The following SOCS6 variants were observed in gnomAD, a reference collection of about 807,000 sequenced individuals.
SOCS6 encodes suppressor of cytokine signaling 6.
A neutral mutation model predicts 27.7 loss-of-function variants in SOCS6; 5 were observed. The ratio of observed to expected loss-of-function variants is 0.18; its 90% CI spans 0.09 to 0.38. SOCS6 has a LOEUF of 0.38. Ranked by LOEUF, SOCS6 falls within the 10% of genes least tolerant of loss-of-function variation. The probability of loss-of-function intolerance (pLI) is 1.00; values close to 1 mark genes in which losing one functional copy is unlikely to be tolerated. For missense variants in SOCS6, 595 were observed against 688.1 expected (o/e 0.86, Z 1.51); for synonymous variants, 271 against 260.0 (o/e 1.04, Z -0.41).
intron 1 of SOCS6, among the ~76,000 whole-genome samples, chr18:70,322,269 A>C (rs551737484): frequency 1.2e-4 from 19 of 152,358 alleles, no homozygotes; most frequent in Non-Finnish European, 2.5e-4. Context: ...CAAACAGAAA[A>C]ACAGATACTC....
chr18:70,307,883 T>C (rs2062375886), intron 1 of SOCS6, among the ~76,000 whole-genome samples: 1 of 152,224 alleles, frequency 6.6e-6, no homozygotes, highest in South Asian at 2.1e-4. Context: ...TATTCTACTT[T>C]CATTGGGTTT....
intron 1 of SOCS6, among the ~76,000 whole-genome samples, chr18:70,294,827 C>T (rs2146260066): frequency 6.6e-6 from 1 of 152,310 alleles, no homozygotes; most frequent in Non-Finnish European, 1.5e-5. Flanking sequence ...CTCTGCAGAG[C>T]CTTCTGCTCT....
chr18:70,302,883 A>C (rs1196385842), intron 1 of SOCS6, among the ~76,000 whole-genome samples: 3 of 152,278 alleles, frequency 2.0e-5, no homozygotes, highest in South Asian at 2.1e-4. Flanking sequence ...AAAAAGCTAC[A>C]AAAAAACCCA....
intron 1 of SOCS6, among the ~76,000 whole-genome samples, chr18:70,293,840 C>T (rs1418409198): frequency 3.3e-5 from 5 of 152,036 alleles, no homozygotes; most frequent in Admixed American, 1.3e-4. Flanking sequence ...CGCCTGTAAT[C>T]CCACCACTTT....
chr18:70,298,250 TGAAA>T (rs924589158), intron 1 of SOCS6, among the ~76,000 whole-genome samples: 10 of 152,218 alleles, frequency 6.6e-5, no homozygotes, highest in African/African-American at 2.4e-4. Flanking sequence ...TGTCAAATTC[TGAAA>T]GAATCTTACC....
intron 1 of SOCS6, chr18:70,296,722 CT>C (rs2062324395): frequency 6.6e-6 from 1 of 152,140 alleles, no homozygotes; most frequent in South Asian, 2.1e-4. Flanking sequence ...TTTTGGGGGA[CT>C]TTTGTGTTAT....
At chr18:70,313,318 A>G (rs374607295) in intron 1 of SOCS6, among the ~76,000 whole-genome samples, 3 of 151,896 alleles carry the variant, frequency 2.0e-5, no homozygotes, top group Non-Finnish European at 4.4e-5. Flanking sequence ...ATCCTTTGTC[A>G]TATATATTTG....
intron 1 of SOCS6, among the ~76,000 whole-genome samples, chr18:70,301,121 C>CA (rs1286389477): frequency 6.6e-6 from 1 of 152,156 alleles, no homozygotes; most frequent in African/African-American, 2.4e-5. Context: ...ACCAGTTAGC[C>CA]AGCTACCAGT....
chr18:70,289,851 G>A (rs1283058480), intron 1 of SOCS6, among the ~76,000 whole-genome samples: 2 of 152,192 alleles, frequency 1.3e-5, no homozygotes, highest in Non-Finnish European at 2.9e-5. Flanking sequence ...GTTTGCTTCG[G>A]GAGTTGGCAA....
At chr18:70,310,668 A>T (rs1005168354) in intron 1 of SOCS6, among the ~76,000 whole-genome samples, 6 of 151,448 alleles carry the variant, frequency 4.0e-5, no homozygotes, top group African/African-American at 1.5e-4. Context: ...TTTTATCCCC[A>T]TTTTCACATG....
intron 1 of SOCS6, among the ~76,000 whole-genome samples, chr18:70,312,323 TG>T (rs1037610403): frequency 6.6e-6 from 1 of 151,718 alleles, no homozygotes; most frequent in Non-Finnish European, 1.5e-5. Context: ...CTTTTTGTTT[TG>T]TTTTTTTTTC....
At chr18:70,291,150 A>G (rs1454552438) in intron 1 of SOCS6, among the ~76,000 whole-genome samples, 1 of 152,176 alleles carries the variant, frequency 6.6e-6, no homozygotes, top group Non-Finnish European at 1.5e-5. Flanking sequence ...TCTGTCACCC[A>G]GGGTGGAGTG....
intron 1 of SOCS6, among the ~76,000 whole-genome samples, chr18:70,295,401 G>C (rs1031728628): frequency 6.6e-6 from 1 of 152,120 alleles, no homozygotes; most frequent in South Asian, 2.1e-4. Context: ...GAAGCAGCTG[G>C]GTTAGCATGC....
chr18:70,324,452 C>T (rs2231560), intron 1 of SOCS6, 91 bp from the exon 2 acceptor site: 5 of 406,670 alleles, frequency 1.2e-5, no homozygotes, highest in East Asian at 4.6e-5. Flanking sequence ...GGGGTGTTCT[C>T]GTTCAGAAGT....
At chr18:70,319,551 T>C (rs1280872999) in intron 1 of SOCS6, among the ~76,000 whole-genome samples, 11 of 145,046 alleles carry the variant, frequency 7.6e-5, no homozygotes, top group Non-Finnish European at 6.0e-5. Flanking sequence ...GGCACCAAAC[T>C]GTAATAGTAA....
At chr18:70,300,570 G>A (rs1415192781) in intron 1 of SOCS6, among the ~76,000 whole-genome samples, 1 of 152,186 alleles carries the variant, frequency 6.6e-6, no homozygotes, top group Non-Finnish European at 1.5e-5. Flanking sequence ...AAATGCTCAT[G>A]GGAAAGTTGT....
At chr18:70,309,770 A>G (rs1394245322) in intron 1 of SOCS6, among the ~76,000 whole-genome samples, 1 of 151,964 alleles carries the variant, frequency 6.6e-6, no homozygotes, top group Non-Finnish European at 1.5e-5. Context: ...TGCAACTTCC[A>G]CCTCCCAGGT....
At chr18:70,324,324 A>AATG (rs1325192977) in intron 1 of SOCS6, among the ~76,000 whole-genome samples, 2 of 151,950 alleles carry the variant, frequency 1.3e-5, no homozygotes, top group African/African-American at 2.4e-5. Context: ...TAATAATAAT[A>AATG]AAGTAAACAT....
rs1343251631 is a variant in SOCS6 at position 70,325,183 on chromosome 18, G to A, written c.515G>A (p.Arg172Gln). ...CCGAGTCCAGCCCTGAATGGCGTCC[G>A]GAAGGATTTCCACGACCTCCAGTCT... is the stretch of plus-strand genomic sequence containing the variant. The part of the protein sequence containing the change: ...SSPSPALNGV[R>Q]KDFHDLQSET... The change falls in exon 2 of 2, where the codon CGG becomes CAG. Residue 172 changes from arginine to glutamine, a missense_variant. Around this residue, in one of 2 missense-constraint regions of SOCS6, gnomAD observed 467 missense variants for 481.1 expected, o/e 0.97. Transcript: ENST00000397942. The surrounding 1 kb of genome is among the most constrained non-coding windows in gnomAD (Gnocchi z 6.3). 3.7e-6 allele frequency: 6 copies of A among 1,614,000 alleles called. No homozygotes were observed. Among genetic ancestry groups the A allele is most frequent in the Admixed American group, 1.7e-5 (1 of 59,998 alleles).
Sources: allele counts gnomAD v4.1 joint callset (sites outside exome capture counted in the v4.1 genomes callset), GRCh38; gene constraint gnomAD v4.1.1; regional missense constraint gnomAD v4.1.1; non-coding constraint Gnocchi (gnomAD v3.1); transcripts MANE v1.5; gene names NCBI Gene and HGNC (gene_info 2026-07-23, HGNC 2026-07-21).